Variants in CAST observed in about 807,000 individuals in gnomAD.
The protein encoded by CAST is calpastatin.
CAST carries 76 observed loss-of-function variants against 119.6 expected under a neutral mutation model. The observed-to-expected ratio is 0.64, with a 90% CI of 0.53 to 0.77. The LOEUF is 0.77. Ranked by LOEUF, CAST falls within the 30% of genes least tolerant of loss-of-function variation. CAST has a pLI of 0.00. For missense variants in CAST, 953 were observed against 946.5 expected, an observed-to-expected ratio of 1.01 and a Z score of -0.09; for synonymous variants, 319 against 331.6, an observed-to-expected ratio of 0.96 and a Z score of 0.41.
the CAST span, among the ~76,000 whole-genome samples, chr5:96,444,021 C>T: frequency 6.6e-6 from 1 of 152,050 alleles, no homozygotes; most frequent in African/African-American, 2.4e-5. Context: ...TGAATCACAG[C>T]AATATAAGAA....
the CAST span, among the ~76,000 whole-genome samples, chr5:96,093,950 ACTAGAAC>A: frequency 3.9e-5 from 6 of 152,144 alleles, no homozygotes; most frequent in African/African-American, 1.4e-4. Flanking sequence ...TGATTGCTCT[ACTAGAAC>A]CTATTCCTGG....
chr5:96,424,711 C>T, the CAST span, among the ~76,000 whole-genome samples: 3 of 152,000 alleles, frequency 2.0e-5, no homozygotes, highest in East Asian at 5.8e-4. Flanking sequence ...GCCTGTAATC[C>T]CAGCACTTTG....
chr5:96,526,662 T>C (rs570044661), upstream of CAST, among the ~76,000 whole-genome samples: 78 of 152,318 alleles, frequency 5.1e-4, no homozygotes, highest in African/African-American at 1.8e-3. Flanking sequence ...TGCTGCCCTA[T>C]TGCCATTAAA....
At chr5:95,967,418 AAAT>A in the CAST span, among the ~76,000 whole-genome samples, 128 of 2,944 alleles carry the variant, frequency 0.043, no homozygotes, top group East Asian at 0.088. Context: ...CCCTATCTTT[AAAT>A]AAATAAATAA....
At chr5:96,073,444 G>C in the CAST span, among the ~76,000 whole-genome samples, 1 of 152,176 alleles carries the variant, frequency 6.6e-6, no homozygotes, top group South Asian at 2.1e-4. Flanking sequence ...TTGCCCAGAA[G>C]ACCAGCTAAT....
chr5:96,304,129 A>G, the CAST span, among the ~76,000 whole-genome samples: 1 of 152,188 alleles, frequency 6.6e-6, no homozygotes, highest in Non-Finnish European at 1.5e-5. Flanking sequence ...CTGACTTTTT[A>G]ATGATCACCA....
At chr5:96,435,841 G>A in the CAST span, among the ~76,000 whole-genome samples, 1 of 152,134 alleles carries the variant, frequency 6.6e-6, no homozygotes, top group Non-Finnish European at 1.5e-5. Flanking sequence ...TATGCTCAAA[G>A]GAGATCTATA....
At chr5:95,966,973 T>C in the CAST span, among the ~76,000 whole-genome samples, 6 of 152,146 alleles carry the variant, frequency 3.9e-5, no homozygotes, top group Non-Finnish European at 1.5e-5. Context: ...TTCTCCCAGA[T>C]GATAATTGTT....
chr5:96,381,281 A>T, the CAST span, among the ~76,000 whole-genome samples: 1 of 152,172 alleles, frequency 6.6e-6, no homozygotes, highest in African/African-American at 2.4e-5. Flanking sequence ...TTATTACTGT[A>T]ATTTTATAAT....
chr5:96,593,584 T>C (rs1434974585), intron 1 of CAST, among the ~76,000 whole-genome samples: 1 of 152,180 alleles, frequency 6.6e-6, no homozygotes, highest in Non-Finnish European at 1.5e-5. Flanking sequence ...ATGTGTGCAA[T>C]GGACTGAATG....
chr5:96,641,531 T>G (rs1317299470), intron 1 of CAST, among the ~76,000 whole-genome samples: 1 of 152,180 alleles, frequency 6.6e-6, no homozygotes, highest in Non-Finnish European at 1.5e-5. Context: ...TTTCAATGTT[T>G]ACAGTGCTTG....
At chr5:96,550,180 C>T (rs1001090879) in intron 1 of CAST, among the ~76,000 whole-genome samples, 8 of 152,160 alleles carry the variant, frequency 5.3e-5, no homozygotes, top group African/African-American at 1.9e-4. Context: ...CTCATACAGT[C>T]AGGCACCCTT....
chr5:96,186,989 T>C, the CAST span, among the ~76,000 whole-genome samples: 2 of 152,148 alleles, frequency 1.3e-5, no homozygotes, highest in African/African-American at 4.8e-5. Context: ...TGGGCTTCGT[T>C]TTGTTGGTAG....
chr5:96,748,844 G>A, intron 19 of CAST: 1 of 383,098 alleles, frequency 2.6e-6, no homozygotes, highest in Non-Finnish European at 4.7e-6. Flanking sequence ...TGGAACCCAT[G>A]CCTTCCTTCT....
the CAST span, chr5:96,433,138 G>A: frequency 6.1e-3 from 7,044 of 1,157,718 alleles, 35 homozygotes; most frequent in Middle Eastern, 0.01. Context: ...CCACCCTCGG[G>A]CTCTAGACCA....
the CAST span, among the ~76,000 whole-genome samples, chr5:96,196,291 A>G: frequency 3.5e-3 from 540 of 152,226 alleles, 2 homozygotes; most frequent in African/African-American, 0.013. Flanking sequence ...CTTTTGAAGT[A>G]TATTCTCATA....
At chr5:96,045,123 C>T in the CAST span, among the ~76,000 whole-genome samples, 5 of 152,086 alleles carry the variant, frequency 3.3e-5, no homozygotes, top group African/African-American at 7.2e-5. Context: ...GAGGCTGAGG[C>T]GGATGGATCA....
the CAST span, among the ~76,000 whole-genome samples, chr5:96,288,030 A>G: frequency 1.3e-5 from 2 of 152,148 alleles, no homozygotes; most frequent in Non-Finnish European, 2.9e-5. Context: ...ACACTTTTAA[A>G]TATTTCACTT....
chr5:96,201,167 A>T, the CAST span, among the ~76,000 whole-genome samples: 1 of 152,152 alleles, frequency 6.6e-6, no homozygotes, highest in Non-Finnish European at 1.5e-5. Flanking sequence ...AATAAAAATA[A>T]TTTTAAAAGC....
Sources: allele counts gnomAD v4.1 joint callset (sites outside exome capture counted in the v4.1 genomes callset), GRCh38; gene constraint gnomAD v4.1.1; transcripts MANE v1.5; gene names NCBI Gene and HGNC (gene_info 2026-07-23, HGNC 2026-07-21).